The following RELL1 variants were observed in gnomAD, a reference collection of about 807,000 sequenced individuals.
The protein encoded by RELL1 is RELT-like protein 1.
A neutral mutation model predicts 23.0 loss-of-function variants in RELL1; 10 were observed. That is an observed-to-expected ratio of 0.43 (90% CI 0.27 to 0.74). RELL1 has a LOEUF of 0.74. Among genes scored for constraint, RELL1 ranks in the 30% least tolerant of loss-of-function variants. The pLI, the probability that RELL1 is intolerant of heterozygous loss-of-function variation, is 0.19. For missense variants in RELL1, 315 were observed against 364.4 expected, an observed-to-expected ratio of 0.86 and a Z score of 1.10; for synonymous variants, 146 against 146.8, an observed-to-expected ratio of 0.99 and a Z score of 0.04.
intron 1 of RELL1, among the ~76,000 whole-genome samples, chr4:37,669,339 C>T (rs537270719): frequency 1.4e-5 from 2 of 140,374 alleles, no homozygotes; most frequent in Admixed American, 7.0e-5. Context: ...CCTGGCCAGC[C>T]GCTCCCTCCG....
chr4:37,661,036 A>C (rs543468764), intron 1 of RELL1, among the ~76,000 whole-genome samples: 176 of 151,798 alleles, frequency 1.2e-3, no homozygotes, highest in African/African-American at 3.7e-3. Context: ...GTCTCAAAAA[A>C]AAAAAACAAA....
intron 1 of RELL1, among the ~76,000 whole-genome samples, chr4:37,667,574 G>C (rs1200465750): frequency 6.7e-6 from 1 of 149,482 alleles, no homozygotes; most frequent in Non-Finnish European, 1.5e-5. Context: ...GATACTACAG[G>C]GTTCACGTAG....
chr4:37,632,536 T>A (rs1720179892), intron 5 of RELL1, among the ~76,000 whole-genome samples: 1 of 152,182 alleles, frequency 6.6e-6, no homozygotes, highest in African/African-American at 2.4e-5. Context: ...TAGACTGACG[T>A]AACCAGAATG....
At chr4:37,596,867 G>C (rs1718877089) in intron 6 of RELL1, among the ~76,000 whole-genome samples, 1 of 145,918 alleles carries the variant, frequency 6.9e-6, no homozygotes, top group Admixed American at 7.0e-5. Context: ...TCCTGCCTCA[G>C]CCTCCCACGT....
At chr4:37,681,538 T>G (rs1722223971) in intron 1 of RELL1, among the ~76,000 whole-genome samples, 2 of 142,982 alleles carry the variant, frequency 1.4e-5, no homozygotes, top group South Asian at 2.3e-4. Flanking sequence ...TTTTTTTTTT[T>G]TTTTTTTTGA....
chr4:37,637,964 G>C (rs1720391774), intron 4 of RELL1, among the ~76,000 whole-genome samples: 1 of 151,992 alleles, frequency 6.6e-6, no homozygotes, highest in Non-Finnish European at 1.5e-5. Context: ...TGGTACTGTG[G>C]TGATCTCCAT....
At chr4:37,602,411 C>G (rs1719039683) in intron 6 of RELL1, among the ~76,000 whole-genome samples, 1 of 135,676 alleles carries the variant, frequency 7.4e-6, no homozygotes, top group Non-Finnish European at 1.6e-5. Flanking sequence ...TGGTTTATTG[C>G]TCTGGCGGCT....
intron 6 of RELL1, among the ~76,000 whole-genome samples, chr4:37,604,988 A>C (rs905924499): frequency 6.6e-6 from 1 of 151,210 alleles, no homozygotes; most frequent in Non-Finnish European, 1.5e-5. Context: ...TTCAGTTGGA[A>C]AGTGTGTTTC....
rs1306107117 is a variant in RELL1 at position 37,603,014 on chromosome 4, C to G, written c.*4-11797G>C. On this transcript the variant is annotated intron_variant, in intron 6 of 6. Transcript: ENST00000314117. ...GAAAATCAGTTAGAAAAAAACTAGACTTGAACCTTTACTCTCACAAAATAG... is the reference window on the plus strand; with the variant it reads ...GAAAATCAGTTAGAAAAAAACTAGAGTTGAACCTTTACTCTCACAAAATAG... Among the ~76,000 whole-genome samples, 53 of 152,238 alleles carry G rather than the reference C, an allele frequency of 3.5e-4. 1 individual carries two copies. Among genetic ancestry groups the G allele is most frequent in the Non-Finnish European group, 4.4e-5 (3 of 68,040 alleles).
At chr4:37,649,530 G>A in intron 1 of RELL1, 30 bp from the exon 2 acceptor site, 1 of 1,587,576 alleles carries the variant, frequency 6.3e-7, no homozygotes, top group Non-Finnish European at 8.6e-7. Flanking sequence ...TGCTGCATTA[G>A]ATATCTGTCC....
intron 6 of RELL1, among the ~76,000 whole-genome samples, chr4:37,603,705 G>A (rs1184609813): frequency 6.6e-6 from 1 of 152,138 alleles, no homozygotes; most frequent in Non-Finnish European, 1.5e-5. Context: ...AATTCACCCA[G>A]GGGGCTGGTG....
At chr4:37,676,881 G>C (rs1722039045) in intron 1 of RELL1, among the ~76,000 whole-genome samples, 1 of 151,838 alleles carries the variant, frequency 6.6e-6, no homozygotes. Context: ...CTCTATTCCG[G>C]GCCCTGTGCT....
chr4:37,656,755 G>A (rs1721132859), intron 1 of RELL1, among the ~76,000 whole-genome samples: 1 of 152,184 alleles, frequency 6.6e-6, no homozygotes, highest in African/African-American at 2.4e-5. Flanking sequence ...ATAAAAGCGA[G>A]TTCAGCTTCC....
chr4:37,650,719 T>C (rs953905579), intron 1 of RELL1, among the ~76,000 whole-genome samples: 11 of 149,526 alleles, frequency 7.4e-5, no homozygotes, highest in Non-Finnish European at 5.9e-5. Context: ...CCTGCAGGGG[T>C]GCCACAGGGA....
intron 3 of RELL1, among the ~76,000 whole-genome samples, chr4:37,642,192 T>G (rs528954209): frequency 6.6e-6 from 1 of 152,208 alleles, no homozygotes; most frequent in Non-Finnish European, 1.5e-5. Context: ...AAAGGAATCT[T>G]TTCTGGCAAA....
At chr4:37,648,438 G>A (rs1720783696) in intron 2 of RELL1, among the ~76,000 whole-genome samples, 6 of 152,182 alleles carry the variant, frequency 3.9e-5, no homozygotes, top group African/African-American at 7.2e-5. Context: ...CCTGAAGGGC[G>A]ACCTACTCCA....
At chr4:37,588,817 T>G (rs574910225), downstream of RELL1, 1 of 1,527,468 alleles carries the variant, frequency 6.5e-7, no homozygotes, top group African/African-American at 1.4e-5. Flanking sequence ...ACTCACTGTG[T>G]TCTCTACCTT....
At chr4:37,630,356 GTTTTTT>G (rs59763359) in intron 6 of RELL1, among the ~76,000 whole-genome samples, 3 of 86,734 alleles carry the variant, frequency 3.5e-5, no homozygotes, top group African/African-American at 4.8e-5. Context: ...TGTGTGTGTG[GTTTTTT>G]TTTTTTTTTT....
chr4:37,662,526 C>G, intron 1 of RELL1, among the ~76,000 whole-genome samples: 1 of 150,346 alleles, frequency 6.7e-6, no homozygotes, highest in Admixed American at 6.6e-5. Flanking sequence ...CCCCGGGTTG[C>G]TACCAGAACA....
Sources: gnomAD v4.1 joint callset for allele counts (sites outside exome capture counted in the v4.1 genomes callset) on GRCh38, gnomAD v4.1.1 for gene constraint, MANE v1.5 for transcripts, NCBI Gene and HGNC (gene_info 2026-07-23, HGNC 2026-07-21) for gene names.